Variants in CTPS2 observed in about 807,000 individuals in gnomAD.
CTPS2 encodes the protein CTP synthase 2.
Under a neutral mutation model 46.8 loss-of-function variants are expected in CTPS2, and 19 were observed. The ratio of observed to expected loss-of-function variants is 0.41; its 90% CI spans 0.28 to 0.60. The LOEUF (loss-of-function observed/expected upper bound fraction) is 0.60. Among genes scored for constraint, CTPS2 ranks in the 20% least tolerant of loss-of-function variants. CTPS2 has a pLI of 0.35. For synonymous variants in CTPS2, 151 were observed against 165.2 expected, an observed-to-expected ratio of 0.91 and a Z score of 0.66; for missense variants, 286 against 447.6, an observed-to-expected ratio of 0.64 and a Z score of 3.26.
chrX:16,683,223 A>G lies in CTPS2; in HGVS notation c.876T>C (p.Tyr292=). ...LFKWRNMADR[Y]ERLQKICSIA... ...TGGAGCATATTTTCTGTAACCTTTC[A>G]TACCTGGGAAAGAAAACAAACTCAA... is the stretch of plus-strand genomic sequence containing the variant. Residue 292 remains tyrosine (Y), a synonymous_variant, in exon 9 of 19, where the codon TAT becomes TAC. Coordinates refer to ENST00000359276, the MANE Select transcript of CTPS2 (RefSeq NM_175859.3). 5.0e-6 allele frequency: 6 copies of G among 1,209,871 alleles called. No homozygotes were observed. In the South Asian group the frequency reaches 8.8e-5, roughly 18 times the overall value.
chrX:16,664,635 A>G (rs1284365458), intron 13 of CTPS2, among the ~76,000 whole-genome samples: 1 of 112,224 alleles, frequency 8.9e-6, no homozygotes, highest in Admixed American at 9.5e-5. Flanking sequence ...CAAGAAAAAA[A>G]AGAATGAATG....
chrX:16,637,844 C>G (rs970087506), intron 14 of CTPS2, among the ~76,000 whole-genome samples: 1 of 112,100 alleles, frequency 8.9e-6, no homozygotes, highest in African/African-American at 3.2e-5. Flanking sequence ...GAAGCCTTTC[C>G]TTTTTTAATT....
chrX:16,599,775 A>AC (rs10716191), intron 17 of CTPS2, among the ~76,000 whole-genome samples: 1,777 of 91,320 alleles, frequency 0.019, 42 homozygotes, highest in African/African-American at 0.064. Context: ...CGCACCCGGC[A>AC]CCCCCCCCCT....
In CTPS2 at chrX:16,667,489, C is replaced by A. The variant is rs371361303; in HGVS notation, c.1296+25G>T. On this transcript the variant is annotated intron_variant, in intron 13 of 18. Transcript: ENST00000359276. Reference sequence around the variant, plus strand: ...AGGACCCAAGTGACAATGACTGGACCCAGAAAGATAAACAAGCCACTTACC... The same window carrying A: ...AGGACCCAAGTGACAATGACTGGACACAGAAAGATAAACAAGCCACTTACC... 3 of 1,204,375 alleles carry A rather than the reference C, an allele frequency of 2.5e-6. No homozygotes were observed. In the African/African-American group the frequency reaches 5.3e-5, roughly 21 times the overall value.
intron 16 of CTPS2, among the ~76,000 whole-genome samples, chrX:16,613,016 C>G (rs144444186): frequency 4.5e-3 from 499 of 112,119 alleles, no homozygotes; most frequent in Non-Finnish European, 7.4e-3. Context: ...TTCAAAGGAG[C>G]CTTCTTGGAC....
intron 1 of CTPS2, chrX:16,711,586 T>G (rs1047229936): frequency 9.0e-6 from 1 of 110,674 alleles, no homozygotes; most frequent in Admixed American, 9.8e-5. Context: ...CGGGGTTGAG[T>G]GCGGGGCCTG....
intron 14 of CTPS2, among the ~76,000 whole-genome samples, chrX:16,626,152 G>C (rs1475707863): frequency 9.0e-6 from 1 of 111,274 alleles, no homozygotes; most frequent in East Asian, 2.8e-4. Context: ...GAGACCAAGG[G>C]GGGCAGATCA....
At chrX:16,599,170 A>G (rs1929485730) in intron 17 of CTPS2, among the ~76,000 whole-genome samples, 1 of 112,185 alleles carries the variant, frequency 8.9e-6, no homozygotes, top group African/African-American at 3.2e-5. Context: ...GCCCTCTCTC[A>G]TCACTCCTAT....
At chrX:16,683,275 A>G (rs1426403603) in intron 8 of CTPS2, 49 bp from the exon 9 acceptor site, 2 of 1,159,645 alleles carry the variant, frequency 1.7e-6, no homozygotes, top group Admixed American at 2.2e-5. Context: ...ACAGAACATC[A>G]CAAACAGAAC....
At chrX:16,637,844 CTTTTT>C (rs1270515987) in intron 14 of CTPS2, among the ~76,000 whole-genome samples, 1 of 112,100 alleles carries the variant, frequency 8.9e-6, no homozygotes, top group Non-Finnish European at 1.9e-5. Flanking sequence ...GAAGCCTTTC[CTTTTT>C]TAATTTCATT....
chrX:16,654,306 GCA>G (rs1932769054), intron 13 of CTPS2: 1 of 512,793 alleles, frequency 2.0e-6, no homozygotes, highest in Non-Finnish European at 3.2e-6. Flanking sequence ...TGCCTTCTTG[GCA>G]CACAGACCCC....
chrX:16,675,643 T>G (rs1442642045), intron 10 of CTPS2, among the ~76,000 whole-genome samples: 2 of 112,221 alleles, frequency 1.8e-5, no homozygotes, highest in African/African-American at 6.5e-5. Flanking sequence ...AATTGTGGCT[T>G]TAATAGTGGC....
chrX:16,678,217 C>T (rs969840722), intron 10 of CTPS2, 145 bp downstream of exon 10: 2 of 499,369 alleles, frequency 4.0e-6, no homozygotes, highest in Non-Finnish European at 7.2e-6. Flanking sequence ...GCAGTATGAT[C>T]GTGGAACAAT....
chrX:16,655,246 C>A (rs780572057), intron 13 of CTPS2, among the ~76,000 whole-genome samples: 1 of 112,313 alleles, frequency 8.9e-6, no homozygotes, highest in Admixed American at 9.4e-5. Flanking sequence ...CTAGAGGCGG[C>A]CCCACTCATC....
intron 10 of CTPS2, among the ~76,000 whole-genome samples, chrX:16,673,932 C>T (rs1921987856): frequency 9.0e-6 from 1 of 111,464 alleles, no homozygotes; most frequent in African/African-American, 3.3e-5. Context: ...GTCCTAGGCT[C>T]CATACCTAGT....
intron 17 of CTPS2, among the ~76,000 whole-genome samples, chrX:16,593,400 G>A (rs1929038221): frequency 1.0e-5 from 1 of 95,775 alleles, no homozygotes. Context: ...CTGCACTCCA[G>A]CCTGGGCGAC....
chrX:16,683,006 A>G, intron 9 of CTPS2, 88 bp downstream of exon 9: 1 of 1,050,144 alleles, frequency 9.5e-7, no homozygotes, highest in Non-Finnish European at 1.3e-6. Flanking sequence ...AGGTGATCTC[A>G]GGGACCCTTT....
chrX:16,603,568 G>GGT (rs762374712), intron 17 of CTPS2, among the ~76,000 whole-genome samples: 10 of 110,122 alleles, frequency 9.1e-5, no homozygotes, highest in African/African-American at 2.6e-4. Context: ...AAAGAGTGTG[G>GGT]GTGTGTGTGT....
intron 14 of CTPS2, among the ~76,000 whole-genome samples, chrX:16,629,103 C>T (rs755259868): frequency 1.3e-4 from 15 of 112,243 alleles, no homozygotes; most frequent in Middle Eastern, 4.6e-3. Flanking sequence ...TGAGGCCCAA[C>T]GGGCCTCTGG....
Sources: gnomAD v4.1 joint callset for allele counts (sites outside exome capture counted in the v4.1 genomes callset) on GRCh38, gnomAD v4.1.1 for gene constraint, MANE v1.5 for transcripts, NCBI Gene and HGNC (gene_info 2026-07-23, HGNC 2026-07-21) for gene names.